The following ZDHHC20 variants were observed in gnomAD, a reference collection of about 807,000 sequenced individuals.
The protein encoded by ZDHHC20 is palmitoyltransferase ZDHHC20.
ZDHHC20 carries 43 observed loss-of-function variants against 57.8 expected under a neutral mutation model. The ratio of observed to expected loss-of-function variants is 0.74; its 90% CI spans 0.58 to 0.96. The LOEUF is 0.96. Ranked by LOEUF, ZDHHC20 falls within the 40% of genes least tolerant of loss-of-function variation. The probability of loss-of-function intolerance (pLI) is 0.00; values close to 1 mark genes in which losing one functional copy is unlikely to be tolerated. For synonymous variants in ZDHHC20, 157 were observed against 153.0 expected (o/e 1.03, Z -0.19); for missense variants, 391 against 441.1 (o/e 0.89, Z 1.02).
intron 9 of ZDHHC20, among the ~76,000 whole-genome samples, chr13:21,383,691 T>C (rs1292203099): frequency 6.6e-6 from 1 of 152,216 alleles, no homozygotes; most frequent in Non-Finnish European, 1.5e-5. Flanking sequence ...CTGAAATTCA[T>C]GATGTAAGTT....
chr13:21,450,757 GTT>G (rs759841531), intron 1 of ZDHHC20, among the ~76,000 whole-genome samples: 7 of 141,046 alleles, frequency 5.0e-5, no homozygotes, highest in Admixed American at 7.1e-5. Context: ...TAAAAAGGTG[GTT>G]TTTTTTTTTT....
rs1427461623 is a variant in ZDHHC20 at position 21,391,852 on chromosome 13, A to G, written c.597T>C (p.Asn199=). 6.2e-7 allele frequency: 1 copy of G among 1,608,614 alleles called. No homozygotes were observed. The change falls in exon 8 of 13, where the codon AAT becomes AAC. Residue 199 remains asparagine (N), a splice_region_variant and synonymous_variant. Transcript: ENST00000400590. ...VLEYFIKFWT[N]ELTDTRAKFH... The stretch of plus-strand genomic sequence containing the variant: ...ATTTTGCACGTGTATCTGTCAGTTC[A>G]TTCTGAGGAAAAAAAGAAGTTAATT...
At chr13:21,423,799 A>G (rs1256364164) in intron 2 of ZDHHC20, among the ~76,000 whole-genome samples, 2 of 151,852 alleles carry the variant, frequency 1.3e-5, no homozygotes, top group African/African-American at 2.4e-5. Context: ...CTATGATAAC[A>G]CTGAGACCAT....
At chr13:21,434,299 C>A (rs3858749) in intron 1 of ZDHHC20, among the ~76,000 whole-genome samples, 2 of 152,044 alleles carry the variant, frequency 1.3e-5, no homozygotes, top group South Asian at 4.1e-4. Flanking sequence ...AATTAGAATA[C>A]CCCATATTGC....
chr13:21,421,488 T>A (rs548855910), intron 2 of ZDHHC20, among the ~76,000 whole-genome samples: 1 of 152,220 alleles, frequency 6.6e-6, no homozygotes, highest in South Asian at 2.1e-4. Context: ...AAAGCTCATT[T>A]TAAATGACTT....
chr13:21,393,397 A>G (rs899661528), intron 7 of ZDHHC20, among the ~76,000 whole-genome samples: 2 of 150,954 alleles, frequency 1.3e-5, no homozygotes, highest in African/African-American at 4.9e-5. Flanking sequence ...GCTACTTGGG[A>G]GGCTGAGGCA....
intron 2 of ZDHHC20, among the ~76,000 whole-genome samples, chr13:21,421,408 T>C (rs1738178692): frequency 6.6e-6 from 1 of 152,208 alleles, no homozygotes; most frequent in African/African-American, 2.4e-5. Context: ...AAGAGGAGAT[T>C]TGATTGTATT....
chr13:21,411,027 G>A (rs183648754), intron 4 of ZDHHC20, among the ~76,000 whole-genome samples: 3 of 152,326 alleles, frequency 2.0e-5, no homozygotes, highest in East Asian at 1.9e-4. Flanking sequence ...TGTGGGTTGC[G>A]AAGACCGTGG....
chr13:21,444,929 G>A (rs1321003045), intron 1 of ZDHHC20, among the ~76,000 whole-genome samples: 1 of 151,956 alleles, frequency 6.6e-6, no homozygotes, highest in Non-Finnish European at 1.5e-5. Flanking sequence ...GGTGTTATGC[G>A]CCTGTAGTCC....
At chr13:21,405,341 C>G (rs900539059) in intron 4 of ZDHHC20, among the ~76,000 whole-genome samples, 5 of 152,116 alleles carry the variant, frequency 3.3e-5, no homozygotes, top group African/African-American at 1.2e-4. Context: ...TTTTCAAATT[C>G]ATTTAAAAAT....
At chr13:21,409,099 G>T (rs955756917) in intron 4 of ZDHHC20, among the ~76,000 whole-genome samples, 1 of 152,162 alleles carries the variant, frequency 6.6e-6, no homozygotes, top group Non-Finnish European at 1.5e-5. Flanking sequence ...CTAGGTTTCG[G>T]TATCAGGATG....
chr13:21,390,897 C>CAAAAAAAAGAAAA (rs1875576027), intron 8 of ZDHHC20, among the ~76,000 whole-genome samples: 3 of 123,182 alleles, frequency 2.4e-5, no homozygotes, highest in African/African-American at 3.1e-5. Flanking sequence ...GACTCTGTCT[C>CAAAAAAAAGAAAA]AAAAAAAAGA....
intron 1 of ZDHHC20, among the ~76,000 whole-genome samples, chr13:21,435,188 C>T (rs1266533391): frequency 6.6e-6 from 1 of 151,828 alleles, no homozygotes; most frequent in African/African-American, 2.4e-5. Context: ...GCTTATGTGT[C>T]ATTTTCATTT....
At chr13:21,458,106 T>A (rs2138089494) in intron 1 of ZDHHC20, among the ~76,000 whole-genome samples, 1 of 152,336 alleles carries the variant, frequency 6.6e-6, no homozygotes, top group Non-Finnish European at 1.5e-5. Context: ...CAAAACAATG[T>A]TGGAGAAATT....
Position 21,373,504 on chromosome 13 carries a change from A to G in ZDHHC20, c.*3192T>C, listed in dbSNP as rs1871534698. ...CATCCTTACGTATAGATGAAAATAA[A>G]CTTTGTAAACTTGTTCATTTAAAAT... On this transcript the variant is annotated 3_prime_UTR_variant, in exon 13 of 13. Coordinates refer to ENST00000400590, the MANE Select transcript of ZDHHC20 (RefSeq NM_001330059.2). The G allele has an allele frequency of 6.6e-6, 1 of 152,220 alleles. No homozygotes were observed. The highest frequency in any genetic ancestry group is 2.4e-5 in the African/African-American group (1 of 41,454). The allele number at this position is 152,220 out of a possible 1,614,324, so 9.4% of individuals were successfully genotyped here. A position where few individuals can be genotyped will look rare whatever the true frequency, so the allele number is the denominator to read the frequency against.
chr13:21,432,154 T>C (rs1882034332), intron 1 of ZDHHC20, among the ~76,000 whole-genome samples: 1 of 152,050 alleles, frequency 6.6e-6, no homozygotes. Context: ...CTTGCTCTCA[T>C]TTTATTTCAT....
At chr13:21,391,936 A>G (rs1232772200) in intron 7 of ZDHHC20, 82 bp from the exon 8 acceptor site, 1 of 1,408,678 alleles carries the variant, frequency 7.1e-7, no homozygotes, top group African/African-American at 1.5e-5. Flanking sequence ...ATTGTTGAAT[A>G]TATCAAAATA....
intron 11 of ZDHHC20, among the ~76,000 whole-genome samples, chr13:21,379,377 G>C (rs1002282090): frequency 6.6e-6 from 1 of 151,990 alleles, no homozygotes; most frequent in African/African-American, 2.4e-5. Context: ...AATATCCCAG[G>C]CTCAAGCAAT....
chr13:21,445,332 A>G (rs1883584295), intron 1 of ZDHHC20, among the ~76,000 whole-genome samples: 2 of 152,114 alleles, frequency 1.3e-5, no homozygotes, highest in South Asian at 4.1e-4. Flanking sequence ...CTCAAAAGAG[A>G]TCTTTAACCT....
Sources: gnomAD v4.1 joint callset for allele counts (sites outside exome capture counted in the v4.1 genomes callset) on GRCh38, gnomAD v4.1.1 for gene constraint, MANE v1.5 for transcripts, NCBI Gene and HGNC (gene_info 2026-07-23, HGNC 2026-07-21) for gene names.